The following TASP1 variants were observed in gnomAD, a reference collection of about 807,000 sequenced individuals.
TASP1 encodes the protein threonine aspartase 1.
In TASP1, 16 loss-of-function variants were observed where a neutral mutation model predicts 56.6. That is an observed-to-expected ratio of 0.28 (90% CI 0.19 to 0.43). TASP1 has a LOEUF of 0.43. Ranked by LOEUF, TASP1 falls within the 20% of genes least tolerant of loss-of-function variation. TASP1 has a pLI of 1.00. For synonymous variants in TASP1, 179 were observed against 184.2 expected, an observed-to-expected ratio of 0.97 and a Z score of 0.23; for missense variants, 393 against 511.6, an observed-to-expected ratio of 0.77 and a Z score of 2.24.
the TASP1 span, among the ~76,000 whole-genome samples, chr20:13,265,957 C>T: frequency 6.6e-6 from 1 of 152,196 alleles, no homozygotes; most frequent in Non-Finnish European, 1.5e-5. Flanking sequence ...CCTCCATCCT[C>T]AGGCCTGCCA....
At chr20:13,418,347 A>G (rs936400584) in intron 12 of TASP1, among the ~76,000 whole-genome samples, 1 of 152,214 alleles carries the variant, frequency 6.6e-6, no homozygotes, top group African/African-American at 2.4e-5. Flanking sequence ...GGAAATGCTC[A>G]AAGAGTAAAG....
At chr20:13,218,851 C>A in the TASP1 span, among the ~76,000 whole-genome samples, 10 of 152,252 alleles carry the variant, frequency 6.6e-5, no homozygotes, top group East Asian at 9.6e-4. Context: ...GATCTCTCAG[C>A]GTGAAGGGAT....
intron 12 of TASP1, among the ~76,000 whole-genome samples, chr20:13,429,994 G>C (rs1397605643): frequency 6.6e-6 from 1 of 152,124 alleles, no homozygotes; most frequent in Non-Finnish European, 1.5e-5. Flanking sequence ...ATGGAGACGG[G>C]ACTGAGGGGA....
chr20:13,105,182 C>T, the TASP1 span, among the ~76,000 whole-genome samples: 127 of 152,180 alleles, frequency 8.3e-4, no homozygotes, highest in Non-Finnish European at 1.8e-3. Flanking sequence ...AAGGTGGGGC[C>T]AGAATCCAGG....
At chr20:13,232,055 C>T in the TASP1 span, among the ~76,000 whole-genome samples, 1 of 152,200 alleles carries the variant, frequency 6.6e-6, no homozygotes, top group African/African-American at 2.4e-5. Context: ...TCACCAAGGA[C>T]AAAGAAACAA....
At chr20:13,591,311 C>T (rs1030676973) in intron 4 of TASP1, among the ~76,000 whole-genome samples, 1 of 152,046 alleles carries the variant, frequency 6.6e-6, no homozygotes, top group East Asian at 1.9e-4. Flanking sequence ...AATCAAAATG[C>T]TGAAAACCAG....
At chr20:13,638,209 T>C (rs182629833) in intron 1 of TASP1, among the ~76,000 whole-genome samples, 151 of 152,252 alleles carry the variant, frequency 9.9e-4, no homozygotes, top group African/African-American at 3.3e-3. Context: ...TAAGTAAAAA[T>C]TCCTTCGCTA....
chr20:13,325,019 T>C, the TASP1 span, among the ~76,000 whole-genome samples: 30 of 152,344 alleles, frequency 2.0e-4, no homozygotes, highest in Non-Finnish European at 2.5e-4. Flanking sequence ...TATTTCTCTA[T>C]TGCTGCCTCA....
At chr20:13,495,283 A>G (rs749985763) in intron 10 of TASP1, among the ~76,000 whole-genome samples, 10 of 152,204 alleles carry the variant, frequency 6.6e-5, no homozygotes, top group South Asian at 2.1e-4. Context: ...GAGGCAATAT[A>G]AATCATTTCA....
At chr20:13,335,974 C>A in the TASP1 span, among the ~76,000 whole-genome samples, 1 of 152,262 alleles carries the variant, frequency 6.6e-6, no homozygotes, top group East Asian at 1.9e-4. Context: ...TGAAAGAGTT[C>A]TCTGAGAGTC....
chr20:13,417,582 C>T (rs1357936751), intron 12 of TASP1, 61 bp from the exon 13 acceptor site: 1 of 1,576,528 alleles, frequency 6.3e-7, no homozygotes, highest in Non-Finnish European at 8.7e-7. Flanking sequence ...TAAATCTTTG[C>T]TTTTTAATAG....
At chr20:13,632,473 TGA>T (rs1326221971) in intron 1 of TASP1, among the ~76,000 whole-genome samples, 2 of 152,188 alleles carry the variant, frequency 1.3e-5, no homozygotes, top group Non-Finnish European at 2.9e-5. Context: ...TTAATATATA[TGA>T]GAGATTTTAA....
intron 13 of TASP1, among the ~76,000 whole-genome samples, chr20:13,409,975 C>T (rs569529256): frequency 6.6e-6 from 1 of 152,290 alleles, no homozygotes; most frequent in East Asian, 1.9e-4. Flanking sequence ...TCCCTCCTCC[C>T]ACTCACACAC....
the TASP1 span, among the ~76,000 whole-genome samples, chr20:13,127,193 C>T: frequency 6.6e-6 from 1 of 152,330 alleles, no homozygotes; most frequent in Non-Finnish European, 1.5e-5. Flanking sequence ...AAGCTTCCAG[C>T]CATTTCTTTG....
chr20:13,572,762 T>A (rs1361247973), intron 6 of TASP1, among the ~76,000 whole-genome samples: 1 of 150,988 alleles, frequency 6.6e-6, no homozygotes, highest in Admixed American at 6.6e-5. Flanking sequence ...ACGGACTATC[T>A]GGGCAAATAC....
chr20:13,129,520 G>C, the TASP1 span, among the ~76,000 whole-genome samples: 30 of 152,330 alleles, frequency 2.0e-4, no homozygotes, highest in African/African-American at 7.2e-4. Flanking sequence ...AGAATGACTA[G>C]AATTATTCTT....
intron 12 of TASP1, among the ~76,000 whole-genome samples, chr20:13,431,339 G>C (rs1378114903): frequency 1.3e-5 from 2 of 152,152 alleles, no homozygotes; most frequent in Non-Finnish European, 2.9e-5. Context: ...CTGATAGAAA[G>C]GAGAATCCAC....
intron 11 of TASP1, among the ~76,000 whole-genome samples, chr20:13,471,907 C>G (rs757033329): frequency 1.3e-5 from 2 of 152,082 alleles, no homozygotes; most frequent in Non-Finnish European, 2.9e-5. Flanking sequence ...CAGAGGATTT[C>G]CCTTTCCTAG....
the TASP1 span, among the ~76,000 whole-genome samples, chr20:13,128,451 C>T: frequency 6.6e-6 from 1 of 152,294 alleles, no homozygotes; most frequent in East Asian, 1.9e-4. Flanking sequence ...AAGACAGTGA[C>T]TCAGGCTGCT....
Sources: allele counts gnomAD v4.1 joint callset (sites outside exome capture counted in the v4.1 genomes callset), GRCh38; gene constraint gnomAD v4.1.1; transcripts MANE v1.5; gene names NCBI Gene and HGNC (gene_info 2026-07-23, HGNC 2026-07-21).